PRDM16: variants seen among roughly 807,000 people sequenced by gnomAD.
PRDM16 encodes PR/SET domain 16.
In PRDM16, 23 loss-of-function variants were observed where a neutral mutation model predicts 110.6. The ratio of observed to expected loss-of-function variants is 0.21; its 90% CI spans 0.15 to 0.29. The LOEUF (loss-of-function observed/expected upper bound fraction) is 0.29. Among genes scored for constraint, PRDM16 ranks in the 10% least tolerant of loss-of-function variants. The probability of loss-of-function intolerance (pLI) is 1.00; values close to 1 mark genes in which losing one functional copy is unlikely to be tolerated. For missense variants in PRDM16, 1,615 were observed against 1,794.3 expected (o/e 0.90, Z 1.81); for synonymous variants, 799 against 781.8 (o/e 1.02, Z -0.37).
intron 3 of PRDM16, among the ~76,000 whole-genome samples, chr1:3,293,603 T>A (rs1282937523): frequency 6.6e-6 from 1 of 152,248 alleles, no homozygotes; most frequent in African/African-American, 2.4e-5. Flanking sequence ...CAGGAACCGA[T>A]GATCAGAGGG....
At chr1:3,224,264 T>C (rs1557540582) in intron 2 of PRDM16, among the ~76,000 whole-genome samples, 1 of 152,120 alleles carries the variant, frequency 6.6e-6, no homozygotes, top group Non-Finnish European at 1.5e-5. Context: ...AAAAAAGCAA[T>C]CAAATTCATA....
rs888680247 is a variant in PRDM16, at chr1:3,243,113, G to A, written c.388-974G>A. 5.3e-5 allele frequency among the ~76,000 whole-genome samples: 8 copies of A among 152,180 alleles called. No homozygotes were observed. Among genetic ancestry groups the A allele is most frequent in the African/African-American group, 1.4e-4 (6 of 41,450 alleles). On this transcript the variant is annotated intron_variant, in intron 2 of 16. Transcript: ENST00000270722. The surrounding 1 kb of genome is among the most constrained non-coding windows in gnomAD (Gnocchi z 5.5). ...AGCGACCTGGGAGGAAGAACGAGCC[G>A]ACTGCTGGCCCACTCCAGCCTCCCT...
intron 1 of PRDM16, 36 bp from the exon 2 acceptor site, chr1:3,186,089 G>A (rs771840975): frequency 2.5e-5 from 39 of 1,547,010 alleles, no homozygotes; most frequent in Non-Finnish European, 3.0e-5. Flanking sequence ...GGTGGGGCAC[G>A]TGCTGCAGAG....
chr1:3,365,949 C>CACACAT (rs397744120), intron 3 of PRDM16, among the ~76,000 whole-genome samples: 2 of 144,688 alleles, frequency 1.4e-5, no homozygotes, highest in African/African-American at 5.7e-5. Flanking sequence ...CAAACGCACA[C>CACACAT]GCATGCACAC....
intron 3 of PRDM16, among the ~76,000 whole-genome samples, chr1:3,273,713 A>C (rs950171869): frequency 4.0e-5 from 6 of 151,202 alleles, no homozygotes; most frequent in Non-Finnish European, 8.8e-5. Flanking sequence ...TGCATGGGTG[A>C]GCATGTAAGC....
intron 1 of PRDM16, among the ~76,000 whole-genome samples, chr1:3,173,325 C>T (rs754026465): frequency 3.9e-5 from 6 of 152,374 alleles, no homozygotes; most frequent in Admixed American, 6.5e-5. Flanking sequence ...ACAGTGGCAT[C>T]GCGAGTCATT....
At chr1:3,103,975 A>G (rs1311607282) in intron 1 of PRDM16, among the ~76,000 whole-genome samples, 4 of 152,218 alleles carry the variant, frequency 2.6e-5, no homozygotes, top group African/African-American at 7.2e-5. Flanking sequence ...AAACCTATAC[A>G]ATTTTTTAAA....
intron 12 of PRDM16, among the ~76,000 whole-genome samples, chr1:3,422,790 C>G (rs568262022): frequency 6.6e-6 from 1 of 152,252 alleles, no homozygotes; most frequent in Admixed American, 6.5e-5. Flanking sequence ...AAAACTGCAG[C>G]GCCGCCCAGG....
intron 14 of PRDM16, among the ~76,000 whole-genome samples, chr1:3,430,530 C>T (rs1638736240): frequency 6.6e-6 from 1 of 152,228 alleles, no homozygotes; most frequent in African/African-American, 2.4e-5. Flanking sequence ...ACCCCCGTGC[C>T]AGTGCAGGTC....
At chr1:3,216,789 G>T (rs1639039920) in intron 2 of PRDM16, among the ~76,000 whole-genome samples, 1 of 152,232 alleles carries the variant, frequency 6.6e-6, no homozygotes, top group African/African-American at 2.4e-5. Context: ...CGGGGCTGTG[G>T]CTGTGGCCAT....
chr1:3,372,521 G>A (rs927121191), intron 3 of PRDM16, among the ~76,000 whole-genome samples: 8 of 152,234 alleles, frequency 5.3e-5, no homozygotes, highest in South Asian at 4.1e-4. Context: ...CTGGGCTCCC[G>A]CCTCACCCCG....
chr1:3,313,791 A>AACGC (rs1200478090), intron 3 of PRDM16, among the ~76,000 whole-genome samples: 1 of 152,214 alleles, frequency 6.6e-6, no homozygotes, highest in Non-Finnish European at 1.5e-5. Context: ...TTGTAACTGG[A>AACGC]ACGCAGCCTA....
chr1:3,180,008 C>T (rs984365399), intron 1 of PRDM16, among the ~76,000 whole-genome samples: 1 of 152,086 alleles, frequency 6.6e-6, no homozygotes, highest in Non-Finnish European at 1.5e-5. Context: ...GAATCGTTAT[C>T]CCTGGACTTT....
At chr1:3,303,524 G>A (rs569542760) in intron 3 of PRDM16, among the ~76,000 whole-genome samples, 28 of 152,254 alleles carry the variant, frequency 1.8e-4, no homozygotes, top group Admixed American at 1.0e-3. Context: ...CGTGGTGACC[G>A]TCCCAAGACA....
intron 1 of PRDM16, among the ~76,000 whole-genome samples, chr1:3,084,211 C>T (rs965455599): frequency 3.3e-5 from 5 of 152,140 alleles, no homozygotes; most frequent in East Asian, 3.9e-4. Flanking sequence ...GGCCCTGGGG[C>T]GTCTGGGGGC....
chr1:3,385,060 C>T (rs1643172508), intron 3 of PRDM16, 92 bp from the exon 4 acceptor site: 1 of 1,519,432 alleles, frequency 6.6e-7, no homozygotes, highest in Admixed American at 1.7e-5. Context: ...CTACTTGAGC[C>T]CAAACAGCCA....
chr1:3,149,210 G>A (rs995123345), intron 1 of PRDM16, among the ~76,000 whole-genome samples: 1 of 152,230 alleles, frequency 6.6e-6, no homozygotes, highest in Non-Finnish European at 1.5e-5. Context: ...TCAGCCTTGT[G>A]GCAGGGGCAG....
At chr1:3,338,336 G>A (rs1642203542) in intron 3 of PRDM16, among the ~76,000 whole-genome samples, 1 of 152,222 alleles carries the variant, frequency 6.6e-6, no homozygotes, top group African/African-American at 2.4e-5. Flanking sequence ...TGCTCCTCTG[G>A]GGCCCAATTC....
intron 3 of PRDM16, among the ~76,000 whole-genome samples, chr1:3,363,299 T>C (rs1642749702): frequency 6.6e-6 from 1 of 152,200 alleles, no homozygotes; most frequent in Non-Finnish European, 1.5e-5. Context: ...CTTTGACAAC[T>C]TGTTGAACAC....
Sources: allele counts gnomAD v4.1 joint callset (sites outside exome capture counted in the v4.1 genomes callset), GRCh38; gene constraint gnomAD v4.1.1; non-coding constraint Gnocchi (gnomAD v3.1); transcripts MANE v1.5; gene names NCBI Gene and HGNC (gene_info 2026-07-23, HGNC 2026-07-21).